CDH4: variants seen among roughly 807,000 people sequenced by gnomAD.
CDH4 encodes cadherin-4.
CDH4 carries 33 observed loss-of-function variants against 86.0 expected under a neutral mutation model. The observed-to-expected ratio is 0.38, with a 90% CI of 0.29 to 0.51. The LOEUF is 0.51. Ranked by LOEUF, CDH4 falls within the 20% of genes least tolerant of loss-of-function variation. CDH4 has a pLI of 0.86. For synonymous variants in CDH4, 555 were observed against 549.4 expected (o/e 1.01, Z -0.14); for missense variants, 1,114 against 1,307.4 (o/e 0.85, Z 2.28).
At position 61,777,662 on chromosome 20, in the gene CDH4, A is replaced by G. The variant is rs891802091; in HGVS notation, c.576+4480A>G. ...CGTCTACACACGCACACACGTGCATACAAAGACACACACCCATACGCGCAC... is the reference window on the plus strand; with the variant it reads ...CGTCTACACACGCACACACGTGCATGCAAAGACACACACCCATACGCGCAC... On this transcript the variant is annotated intron_variant, in intron 4 of 15. Transcript: ENST00000614565. Among the ~76,000 whole-genome samples the G allele has an allele frequency of 2.9e-4, 43 of 150,506 alleles. 5 individuals are homozygous for G. Among genetic ancestry groups the G allele is most frequent in the Admixed American group, 1.8e-3 (27 of 15,088 alleles).
intron 2 of CDH4, among the ~76,000 whole-genome samples, chr20:61,293,965 T>C (rs1045084796): frequency 6.6e-6 from 1 of 151,252 alleles, no homozygotes. Flanking sequence ...TGCTGGGGGG[T>C]CAGCATGGGG....
At chr20:61,337,742 A>T (rs1600879308) in intron 2 of CDH4, among the ~76,000 whole-genome samples, 1 of 151,984 alleles carries the variant, frequency 6.6e-6, no homozygotes, top group African/African-American at 2.4e-5. Flanking sequence ...ATAATCTGTA[A>T]GATTTCTATT....
In CDH4 at chr20:61,420,518, A is replaced by C. The variant is rs561394767; in HGVS notation, c.169+165581A>C. ...TGTCGCCACTGAAAACAAAATAAGC[A>C]GGCCCAGCCATTCTGGGAAACCATG... On this transcript the variant is annotated intron_variant, in intron 2 of 15. Coordinates refer to ENST00000614565, the MANE Select transcript of CDH4 (RefSeq NM_001794.5). 5.3e-5 allele frequency among the ~76,000 whole-genome samples: 8 copies of C among 152,372 alleles called. No homozygotes were observed. In the East Asian group the frequency reaches 1.5e-3, roughly 29 times the overall value.
intron 2 of CDH4, among the ~76,000 whole-genome samples, chr20:61,397,751 T>C (rs2085026344): frequency 1.3e-5 from 2 of 152,196 alleles, no homozygotes; most frequent in Admixed American, 6.5e-5. Context: ...GAGTTATCGG[T>C]GCAAGGTGGA....
At chr20:61,408,582 A>G (rs762601654) in intron 2 of CDH4, among the ~76,000 whole-genome samples, 2 of 152,174 alleles carry the variant, frequency 1.3e-5, no homozygotes, top group Non-Finnish European at 2.9e-5. Flanking sequence ...CCCTGTGCTC[A>G]GAGGGTGAAC....
At position 61,758,281 on chromosome 20, in the gene CDH4, A is replaced by G. The variant is rs141125828; in HGVS notation, c.396+14492A>G. Among the ~76,000 whole-genome samples, 348 of 152,326 alleles carry G rather than the reference A, an allele frequency of 2.3e-3. 2 individuals are homozygous for G. The highest frequency in any genetic ancestry group is 3.5e-3 in the Non-Finnish European group (236 of 68,024). On this transcript the variant is annotated intron_variant, in intron 3 of 15. Coordinates refer to ENST00000614565, the MANE Select transcript of CDH4 (RefSeq NM_001794.5). The stretch of plus-strand genomic sequence containing the variant: ...TTCCCGTGGGAGGAGTGTTCCAGAC[A>G]GAGGGAACAGCAGATGCAAAGAGCC...
At chr20:61,587,206 G>A (rs1438116541) in intron 2 of CDH4, among the ~76,000 whole-genome samples, 2 of 152,192 alleles carry the variant, frequency 1.3e-5, no homozygotes, top group African/African-American at 2.4e-5. Context: ...AGGGGAGAGT[G>A]GGAAACCCAC....
chr20:61,359,885 A>T (rs2084774580), intron 2 of CDH4, among the ~76,000 whole-genome samples: 1 of 152,240 alleles, frequency 6.6e-6, no homozygotes, highest in African/African-American at 2.4e-5. Flanking sequence ...ATAAACTCAG[A>T]TAAGGCAACA....
chr20:61,612,552 C>T (rs771891146), intron 2 of CDH4, among the ~76,000 whole-genome samples: 4 of 152,142 alleles, frequency 2.6e-5, no homozygotes, highest in African/African-American at 4.8e-5. Context: ...CAGCTGTCCA[C>T]ATGGTCACTT....
intron 2 of CDH4, among the ~76,000 whole-genome samples, chr20:61,736,238 C>T (rs1348128694): frequency 6.6e-6 from 1 of 152,190 alleles, no homozygotes; most frequent in Non-Finnish European, 1.5e-5. Flanking sequence ...CTCAGCTGCC[C>T]CTGTTCCGGT....
intron 2 of CDH4, among the ~76,000 whole-genome samples, chr20:61,427,374 A>C (rs915820666): frequency 2.6e-5 from 4 of 152,186 alleles, no homozygotes; most frequent in African/African-American, 9.6e-5. Context: ...CAAAGGCCAG[A>C]GGCATTAGCA....
rs114076568 is a variant in CDH4, at chr20:61,654,644, A to G, written c.170-88919A>G. Among the ~76,000 whole-genome samples the G allele has an allele frequency of 7.4e-3, 1,126 of 152,344 alleles. 7 individuals carry two copies. The highest frequency in any genetic ancestry group is 0.025 in the African/African-American group (1,043 of 41,572). On this transcript the variant is annotated intron_variant, in intron 2 of 15. Coordinates refer to ENST00000614565, the MANE Select transcript of CDH4 (RefSeq NM_001794.5). ...AGTCCATTTCCGAGGTTCGTTTGGC[A>G]TCAAAAACAACTTCCTAAAAATGTT... is the stretch of plus-strand genomic sequence containing the variant.
rs537001930 is a variant in CDH4, at chr20:61,779,981, CT to C, written c.576+6800del. Among the ~76,000 whole-genome samples, 151 of 152,356 alleles carry C rather than the reference CT, an allele frequency of 9.9e-4. 5 individuals carry two copies. The South Asian group carries it at 0.03, about 30-fold the overall frequency. ...ACCTAAGCACCCACTTTCCAATACT[CT>C]AAAGCATCCATGTGTGTACAAATGA... is the stretch of plus-strand genomic sequence containing the variant. On this transcript the variant is annotated intron_variant, in intron 4 of 15. Coordinates refer to ENST00000614565, the MANE Select transcript of CDH4 (RefSeq NM_001794.5).
intron 2 of CDH4, among the ~76,000 whole-genome samples, chr20:61,345,574 G>T (rs537028448): frequency 5.4e-4 from 83 of 152,332 alleles, no homozygotes; most frequent in African/African-American, 1.9e-3. Flanking sequence ...AGCCCTACCT[G>T]GGACACTCCT....
intron 4 of CDH4, among the ~76,000 whole-genome samples, chr20:61,786,664 C>T (rs755634645): frequency 2.1e-4 from 32 of 152,226 alleles, no homozygotes; most frequent in Admixed American, 7.9e-4. Context: ...ATATTCAATT[C>T]GAATATATTA....
intron 2 of CDH4, among the ~76,000 whole-genome samples, chr20:61,614,492 A>G (rs1281472223): frequency 6.6e-6 from 1 of 152,012 alleles, no homozygotes; most frequent in Non-Finnish European, 1.5e-5. Context: ...TGTCCTGGGA[A>G]CCGTCAGTCA....
intron 2 of CDH4, among the ~76,000 whole-genome samples, chr20:61,741,430 G>T (rs1214832107): frequency 6.6e-6 from 1 of 152,156 alleles, no homozygotes; most frequent in Non-Finnish European, 1.5e-5. Context: ...TCAGACGTTG[G>T]TGGCCCATTC....
At chr20:61,316,408 G>A (rs2084476445) in intron 2 of CDH4, among the ~76,000 whole-genome samples, 1 of 152,190 alleles carries the variant, frequency 6.6e-6, no homozygotes. Context: ...AGTCCACTTG[G>A]CCCCCTAAAT....
intron 2 of CDH4, among the ~76,000 whole-genome samples, chr20:61,290,954 C>G (rs1025754865): frequency 2.6e-5 from 4 of 152,186 alleles, no homozygotes; most frequent in African/African-American, 9.6e-5. Context: ...CATCTCTTGG[C>G]TTGGCCTTTT....
Sources: allele counts gnomAD v4.1 joint callset (sites outside exome capture counted in the v4.1 genomes callset), GRCh38; gene constraint gnomAD v4.1.1; transcripts MANE v1.5; gene names NCBI Gene and HGNC (gene_info 2026-07-23, HGNC 2026-07-21).